The following GPC6 variants were observed in gnomAD, a reference collection of about 807,000 sequenced individuals.
The protein encoded by GPC6 is glypican 6.
A neutral mutation model predicts 55.2 loss-of-function variants in GPC6; 14 were observed. The ratio of observed to expected loss-of-function variants is 0.25; its 90% CI spans 0.17 to 0.40. GPC6 has a LOEUF of 0.40. Among genes scored for constraint, GPC6 ranks in the 10% least tolerant of loss-of-function variants. The pLI, the probability that GPC6 is intolerant of heterozygous loss-of-function variation, is 1.00. For synonymous variants in GPC6, 278 were observed against 259.6 expected, an observed-to-expected ratio of 1.07 and a Z score of -0.68; for missense variants, 641 against 708.5, an observed-to-expected ratio of 0.90 and a Z score of 1.08.
intron 1 of GPC6, among the ~76,000 whole-genome samples, chr13:93,496,067 T>C (rs1001058619): frequency 2.0e-4 from 30 of 152,202 alleles, no homozygotes; most frequent in East Asian, 7.8e-4. Flanking sequence ...TGGAGCTTCC[T>C]GGCTGCTTTG....
chr13:93,510,717 T>C (rs1316765629), intron 1 of GPC6, among the ~76,000 whole-genome samples: 2 of 151,660 alleles, frequency 1.3e-5, no homozygotes, highest in Non-Finnish European at 2.9e-5. Flanking sequence ...GTTTGTCGTT[T>C]TTTGAATAAT....
At chr13:93,500,918 T>C (rs1278575662) in intron 1 of GPC6, among the ~76,000 whole-genome samples, 2 of 152,148 alleles carry the variant, frequency 1.3e-5, no homozygotes, top group Non-Finnish European at 2.9e-5. Context: ...GTGTTAGAAA[T>C]TACACCTGAA....
intron 1 of GPC6, among the ~76,000 whole-genome samples, chr13:93,258,867 T>G (rs1877041682): frequency 6.6e-6 from 1 of 152,170 alleles, no homozygotes; most frequent in African/African-American, 2.4e-5. Context: ...GGAGGATCCC[T>G]TGAACCCAGA....
chr13:94,396,391 C>A (rs964730196), intron 7 of GPC6, among the ~76,000 whole-genome samples: 7 of 152,010 alleles, frequency 4.6e-5, no homozygotes, highest in African/African-American at 1.7e-4. Context: ...AAAAAGAGTA[C>A]CAAAAAGAAA....
chr13:93,751,948 T>C (rs1884608274), intron 2 of GPC6, among the ~76,000 whole-genome samples: 1 of 152,172 alleles, frequency 6.6e-6, no homozygotes, highest in South Asian at 2.1e-4. Context: ...TATGTCAGTG[T>C]GGCTTGACAT....
intron 4 of GPC6, among the ~76,000 whole-genome samples, chr13:94,230,661 T>C (rs900484375): frequency 3.3e-5 from 5 of 152,172 alleles, no homozygotes; most frequent in Non-Finnish European, 5.9e-5. Flanking sequence ...TAAATTCCCT[T>C]GACCTAAATG....
chr13:93,369,783 A>C (rs186418154), intron 1 of GPC6, among the ~76,000 whole-genome samples: 1 of 152,252 alleles, frequency 6.6e-6, no homozygotes, highest in Admixed American at 6.6e-5. Flanking sequence ...CAGAACTATA[A>C]AAAGAAATGT....
At chr13:94,155,163 C>A (rs867178302) in intron 4 of GPC6, among the ~76,000 whole-genome samples, 1 of 152,150 alleles carries the variant, frequency 6.6e-6, no homozygotes, top group Non-Finnish European at 1.5e-5. Context: ...ACCTACAAGG[C>A]ATTTTTGGTG....
At chr13:93,736,711 A>C (rs2138843299) in intron 2 of GPC6, among the ~76,000 whole-genome samples, 1 of 152,358 alleles carries the variant, frequency 6.6e-6, no homozygotes, top group Non-Finnish European at 1.5e-5. Context: ...CAGTTGAAGA[A>C]AAATAGTATC....
chr13:93,932,943 A>T (rs1354916662), intron 3 of GPC6, among the ~76,000 whole-genome samples: 1 of 151,354 alleles, frequency 6.6e-6, no homozygotes, highest in African/African-American at 2.4e-5. Context: ...TCAAGGTGTT[A>T]ACAGGGCTGT....
intron 4 of GPC6, among the ~76,000 whole-genome samples, chr13:94,124,201 T>TAAGC (rs1333757156): frequency 6.6e-6 from 1 of 152,164 alleles, no homozygotes; most frequent in Non-Finnish European, 1.5e-5. Flanking sequence ...ACTTCATTTT[T>TAAGC]ACAACATGAC....
At chr13:93,395,224 G>A (rs1594139976) in intron 1 of GPC6, 1 of 374,612 alleles carries the variant, frequency 2.7e-6, no homozygotes, top group South Asian at 2.9e-5. Flanking sequence ...GATCAAAGTT[G>A]TCATTCCCAC....
intron 3 of GPC6, among the ~76,000 whole-genome samples, chr13:94,010,109 T>G (rs1594663467): frequency 6.6e-6 from 1 of 152,188 alleles, no homozygotes; most frequent in African/African-American, 2.4e-5. Flanking sequence ...CGATGCTTAT[T>G]ATGAGAGAAA....
chr13:94,192,768 G>A (rs1889439929), intron 4 of GPC6, among the ~76,000 whole-genome samples: 1 of 152,174 alleles, frequency 6.6e-6, no homozygotes, highest in Non-Finnish European at 1.5e-5. Context: ...ACATTACTGC[G>A]CACCTCAGTT....
intron 1 of GPC6, among the ~76,000 whole-genome samples, chr13:93,479,513 G>C (rs1045646508): frequency 5.3e-5 from 8 of 152,130 alleles, no homozygotes; most frequent in Non-Finnish European, 1.5e-5. Context: ...GCTCGACGTG[G>C]TGGCTCATGC....
At chr13:94,315,920 C>T (rs893887684) in intron 6 of GPC6, among the ~76,000 whole-genome samples, 1 of 151,946 alleles carries the variant, frequency 6.6e-6, no homozygotes, top group Non-Finnish European at 1.5e-5. Context: ...AACACAAATT[C>T]GTAAACATCC....
At chr13:93,354,088 C>G (rs7989707) in intron 1 of GPC6, among the ~76,000 whole-genome samples, 34 of 152,110 alleles carry the variant, frequency 2.2e-4, no homozygotes, top group African/African-American at 6.3e-4. Flanking sequence ...AAAATGCACT[C>G]AAGTCTAACC....
At chr13:94,210,674 T>C (rs1009928802) in intron 4 of GPC6, among the ~76,000 whole-genome samples, 1 of 152,314 alleles carries the variant, frequency 6.6e-6, no homozygotes, top group Non-Finnish European at 1.5e-5. Flanking sequence ...AGTACAAAGC[T>C]AAGCTTTCAT....
rs2140408252 is a variant in GPC6, at chr13:93,984,639, C to T, written c.712-43090C>T. The stretch of plus-strand genomic sequence containing the variant: ...AAGACTCTGAGCAGAGAAATTAAAA[C>T]ATGTAGCTTTCATTTTTGTTAAAGA... On this transcript the variant is annotated intron_variant, in intron 3 of 8. Coordinates refer to ENST00000377047, the MANE Select transcript of GPC6 (RefSeq NM_005708.5). Among the ~76,000 whole-genome samples the T allele has an allele frequency of 1.3e-5, 2 of 152,268 alleles. 1 individual carries two copies. The highest frequency in any genetic ancestry group is 4.1e-4 in the South Asian group (2 of 4,826).
Sources: allele counts gnomAD v4.1 joint callset (sites outside exome capture counted in the v4.1 genomes callset), GRCh38; gene constraint gnomAD v4.1.1; transcripts MANE v1.5; gene names NCBI Gene and HGNC (gene_info 2026-07-23, HGNC 2026-07-21).